The following WDR49 variants were observed in gnomAD, a reference collection of about 807,000 sequenced individuals.
WDR49 encodes WD repeat domain 49.
A neutral mutation model predicts 119.5 loss-of-function variants in WDR49; 107 were observed. The observed-to-expected ratio is 0.90, with a 90% CI of 0.77 to 1.05. WDR49 has a LOEUF of 1.05. Ranked by LOEUF, WDR49 falls within the 50% of genes least tolerant of loss-of-function variation. The pLI is 0.00. For missense variants in WDR49, 1,240 were observed against 1,220.5 expected (o/e 1.02, Z -0.24); for synonymous variants, 425 against 418.8 (o/e 1.01, Z -0.18).
At chr3:167,514,465 G>GA (rs758134438) in intron 16 of WDR49, among the ~76,000 whole-genome samples, 5 of 152,212 alleles carry the variant, frequency 3.3e-5, no homozygotes, top group Non-Finnish European at 7.4e-5. Flanking sequence ...AGTGTTAACA[G>GA]AAAAATTTAC....
In WDR49 at chr3:167,529,236, C is replaced by A. The variant is rs374369165; in HGVS notation, c.2222G>T (p.Gly741Val). ...KARKNTAVTG[G>V]ANLVSCGGSG... ...TCCTCCACATGATACCAGGTTAGCTCCTCCTAACATGTAAGGGAAAAATCT... is the reference window on the plus strand; with the variant it reads ...TCCTCCACATGATACCAGGTTAGCTACTCCTAACATGTAAGGGAAAAATCT... Residue 741 changes from glycine (G) to valine (V), a missense_variant, in exon 14 of 19, where the codon GGA becomes GTA. Coordinates refer to ENST00000682715, the MANE Select transcript of WDR49 (RefSeq NM_001366157.1). 2.4e-5 allele frequency: 38 copies of A among 1,575,026 alleles called. No individual in the cohort carries two copies. The highest frequency in any genetic ancestry group is 3.3e-5 in the Non-Finnish European group (38 of 1,166,946).
chr3:167,536,771 A>G, intron 11 of WDR49, 99 bp downstream of exon 11: 1 of 453,190 alleles, frequency 2.2e-6, no homozygotes, highest in Non-Finnish European at 2.9e-6. Flanking sequence ...ATATATATAT[A>G]AAACAACTGA....
intron 8 of WDR49, among the ~76,000 whole-genome samples, chr3:167,562,160 G>T (rs1407456404): frequency 1.3e-5 from 2 of 152,168 alleles, no homozygotes; most frequent in East Asian, 3.9e-4. Flanking sequence ...AATCCAAAAG[G>T]CTAAAAACAT....
chr3:167,594,288 T>C (rs2108298542), intron 7 of WDR49, among the ~76,000 whole-genome samples: 1 of 152,252 alleles, frequency 6.6e-6, no homozygotes, highest in Admixed American at 6.5e-5. Flanking sequence ...ACCAAAATGT[T>C]CATAGTGATA....
chr3:167,590,793 CT>C (rs1012239904), intron 7 of WDR49, among the ~76,000 whole-genome samples: 3 of 151,758 alleles, frequency 2.0e-5, no homozygotes, highest in African/African-American at 4.8e-5. Flanking sequence ...GGTTTTCTCT[CT>C]TTTTTTTCTG....
chr3:167,628,126 G>A (rs776529837), intron 2 of WDR49, among the ~76,000 whole-genome samples: 1 of 151,986 alleles, frequency 6.6e-6, no homozygotes, highest in Non-Finnish European at 1.5e-5. Flanking sequence ...TGTTCTGATT[G>A]CTGCACCAAT....
In WDR49 at chr3:167,540,844, T is replaced by A. The variant is rs559430318; in HGVS notation, c.1824-3844A>T. Among the ~76,000 whole-genome samples the A allele has an allele frequency of 8.6e-5, 13 of 150,806 alleles. No individual in the cohort carries two copies. The South Asian group carries it at 2.7e-3, about 32-fold the overall frequency. On this transcript the variant is annotated intron_variant, in intron 10 of 18. Coordinates refer to ENST00000682715, the MANE Select transcript of WDR49 (RefSeq NM_001366157.1). Reference sequence around the variant, plus strand: ...AAAAAATGGTCCAGATAAATAGATATCAAAAAGAAAAAAACAATCACAACT... The same window carrying A: ...AAAAAATGGTCCAGATAAATAGATAACAAAAAGAAAAAAACAATCACAACT...
In WDR49 at chr3:167,554,642, C is replaced by T. The variant is rs1452625114; in HGVS notation, c.1823+8G>A. ...TTTTGATTAAAATAAAAACATTCTC[C>T]TTTTTACCTTCCTATAGTTTTCCAT... On this transcript the variant is annotated splice_region_variant and intron_variant, in intron 10 of 18. Transcript: ENST00000682715. The T allele has an allele frequency of 1.4e-6, 2 of 1,446,682 alleles. No individual in the cohort carries two copies. The highest frequency in any genetic ancestry group is 1.9e-6 in the Non-Finnish European group (2 of 1,053,884). 89.6% of individuals were successfully genotyped at this position (1,446,682 alleles called of 1,614,324 possible). A position where few individuals can be genotyped will look rare whatever the true frequency, so the allele number is the denominator to read the frequency against.
intron 7 of WDR49, among the ~76,000 whole-genome samples, chr3:167,591,010 G>A (rs977923621): frequency 2.0e-5 from 3 of 151,832 alleles, no homozygotes; most frequent in South Asian, 2.1e-4. Flanking sequence ...CCATTAGGTT[G>A]TTTATTTGAA....
chr3:167,489,545 T>C (rs1577192665), intron 18 of WDR49, among the ~76,000 whole-genome samples: 1 of 152,228 alleles, frequency 6.6e-6, no homozygotes, highest in African/African-American at 2.4e-5. Context: ...TTTATTATAA[T>C]GATAGCCAAA....
chr3:167,575,849 G>C lies in WDR49; in HGVS notation c.1509+69C>G, dbSNP rs1714219505. The C allele has an allele frequency of 2.0e-6, 3 of 1,496,676 alleles. No homozygotes were observed. The African/African-American group carries it at 4.2e-5, about 21-fold the overall frequency. 92.7% of individuals were successfully genotyped at this position (1,496,676 alleles called of 1,614,324 possible). ...TTTGTCTTTCATTTTACCTTAAACT[G>C]AATTAAGTAAATGAGCCTCTGGACT... is the stretch of plus-strand genomic sequence containing the variant. On this transcript the variant is annotated intron_variant, in intron 8 of 18. Transcript: ENST00000682715.
In WDR49 at chr3:167,644,666, A is replaced by T. The variant is rs184459284; in HGVS notation, c.165+8595T>A. Among the ~76,000 whole-genome samples the T allele has an allele frequency of 2.0e-5, 3 of 152,242 alleles. No homozygotes were observed. In the East Asian group the frequency reaches 5.8e-4, roughly 29 times the overall value. On this transcript the variant is annotated intron_variant, in intron 2 of 18. Coordinates refer to ENST00000682715, the MANE Select transcript of WDR49 (RefSeq NM_001366157.1). ...CATGTATTTTTTTCTGTACTTCAGA[A>T]TGTATTTAGGGAAGCTTGGAGGATT...
intron 9 of WDR49, 78 bp from the exon 10 acceptor site, chr3:167,554,876 G>T: frequency 1.9e-6 from 2 of 1,043,146 alleles, no homozygotes; most frequent in South Asian, 1.7e-5. Flanking sequence ...AATTCATTTA[G>T]GATATGTAAT....
intron 7 of WDR49, among the ~76,000 whole-genome samples, chr3:167,583,850 C>A (rs1029916791): frequency 1.3e-5 from 2 of 152,050 alleles, no homozygotes; most frequent in African/African-American, 4.8e-5. Flanking sequence ...AAAGCATCTT[C>A]AATTTAGTTC....
At chr3:167,609,085 T>C (rs570979749) in intron 5 of WDR49, among the ~76,000 whole-genome samples, 1 of 152,182 alleles carries the variant, frequency 6.6e-6, no homozygotes, top group South Asian at 2.1e-4. Context: ...TAGAGTAAGA[T>C]AAAATAAGGC....
intron 7 of WDR49, among the ~76,000 whole-genome samples, chr3:167,578,648 T>C (rs1363046542): frequency 6.6e-6 from 1 of 152,160 alleles, no homozygotes; most frequent in Non-Finnish European, 1.5e-5. Flanking sequence ...TAACACTATC[T>C]GTAAGCACCT....
At chr3:167,590,167 T>C (rs1715033669) in intron 7 of WDR49, among the ~76,000 whole-genome samples, 2 of 152,130 alleles carry the variant, frequency 1.3e-5, no homozygotes, top group Non-Finnish European at 2.9e-5. Flanking sequence ...GATTATTTAG[T>C]TTTTGTCCTT....
At chr3:167,651,178 A>C (rs1285980951) in intron 2 of WDR49, among the ~76,000 whole-genome samples, 1 of 152,180 alleles carries the variant, frequency 6.6e-6, no homozygotes. Flanking sequence ...CTGCTATTTA[A>C]GGAGATGGAC....
rs543797999 is a variant in WDR49, at chr3:167,650,734, T to C, written c.165+2527A>G. Among the ~76,000 whole-genome samples the C allele has an allele frequency of 2.0e-5, 3 of 152,240 alleles. No homozygotes were observed. The East Asian group carries it at 5.8e-4, about 29-fold the overall frequency. On this transcript the variant is annotated intron_variant, in intron 2 of 18. Transcript: ENST00000682715. ...CAAGGCACTGTCAGAGGTCACATGG[T>C]TTAACTTCTACTTACTAAATGAGAT...
Sources: gnomAD v4.1 joint callset for allele counts (sites outside exome capture counted in the v4.1 genomes callset) on GRCh38, gnomAD v4.1.1 for gene constraint, MANE v1.5 for transcripts, NCBI Gene and HGNC (gene_info 2026-07-23, HGNC 2026-07-21) for gene names.